Variants in LRRC7 observed in about 807,000 individuals in gnomAD.
The protein encoded by LRRC7 is leucine-rich repeat-containing protein 7.
In LRRC7, 23 loss-of-function variants were observed where a neutral mutation model predicts 175.7. The ratio of observed to expected loss-of-function variants is 0.13; its 90% confidence interval spans 0.09 to 0.19. The LOEUF (loss-of-function observed/expected upper bound fraction) is 0.19, where lower values mean the gene tolerates loss of function less well. Among genes scored for constraint, LRRC7 ranks in the 10% least tolerant of loss-of-function variants. LRRC7 has a pLI of 1.00. For synonymous variants in LRRC7, 685 were observed against 680.9 expected (o/e 1.01, Z -0.09); for missense variants, 1,354 against 1,904.7 (o/e 0.71, Z 5.38).
At chr1:69,726,304 G>T (rs1293001811) in intron 2 of LRRC7, among the ~76,000 whole-genome samples, 1 of 152,144 alleles carries the variant, frequency 6.6e-6, no homozygotes, top group Admixed American at 6.5e-5. Flanking sequence ...TTCCTTGAAA[G>T]AAATTGGATG....
At chr1:70,069,483 G>A (rs982912525) in intron 23 of LRRC7, among the ~76,000 whole-genome samples, 1 of 152,088 alleles carries the variant, frequency 6.6e-6, no homozygotes, top group Non-Finnish European at 1.5e-5. Flanking sequence ...TGAGATTTTG[G>A]GTGGGGACAC....
chr1:69,716,078 G>T, intron 2 of LRRC7: 1 of 403,364 alleles, frequency 2.5e-6, no homozygotes, highest in Middle Eastern at 6.6e-4. Flanking sequence ...TGTTCATTTA[G>T]ATGCATTTGT....
chr1:69,693,073 A>G (rs1662096153), intron 2 of LRRC7, among the ~76,000 whole-genome samples: 1 of 152,226 alleles, frequency 6.6e-6, no homozygotes, highest in Non-Finnish European at 1.5e-5. Context: ...CGTGTCTCGC[A>G]TGCCTTCAAA....
intron 18 of LRRC7, among the ~76,000 whole-genome samples, chr1:70,030,646 AG>A (rs1251382916): frequency 2.6e-5 from 4 of 152,220 alleles, no homozygotes; most frequent in Non-Finnish European, 5.9e-5. Context: ...CACACTGCAA[AG>A]GATATGGAAG....
At chr1:69,780,145 A>G (rs1212589032) in intron 3 of LRRC7, among the ~76,000 whole-genome samples, 2 of 152,240 alleles carry the variant, frequency 1.3e-5, no homozygotes, top group African/African-American at 4.8e-5. Flanking sequence ...AAATCTGAGT[A>G]AGTCACTTCG....
intron 2 of LRRC7, among the ~76,000 whole-genome samples, chr1:69,703,617 A>G (rs1344941346): frequency 2.0e-5 from 3 of 151,984 alleles, no homozygotes; most frequent in Non-Finnish European, 4.4e-5. Flanking sequence ...TCTAAGAACA[A>G]ATTTACATTT....
intron 8 of LRRC7, among the ~76,000 whole-genome samples, chr1:69,977,596 T>A (rs752808386): frequency 2.1e-4 from 32 of 152,354 alleles, no homozygotes; most frequent in African/African-American, 7.2e-4. Context: ...CCTCCCTTTG[T>A]ATTTCCCAGG....
chr1:70,109,358 A>G (rs978909708), intron 26 of LRRC7, among the ~76,000 whole-genome samples: 1 of 152,082 alleles, frequency 6.6e-6, no homozygotes, highest in African/African-American at 2.4e-5. Flanking sequence ...CAAGATCACA[A>G]TCAGCTACTC....
intron 1 of LRRC7, among the ~76,000 whole-genome samples, chr1:69,642,851 G>GATAA (rs1157131553): frequency 6.6e-6 from 1 of 151,936 alleles, no homozygotes; most frequent in Non-Finnish European, 1.5e-5. Context: ...TAGATAGATA[G>GATAA]ATAGATTATA....
intron 2 of LRRC7, among the ~76,000 whole-genome samples, chr1:69,702,069 T>C (rs2100699242): frequency 6.6e-6 from 1 of 152,328 alleles, no homozygotes; most frequent in East Asian, 1.9e-4. Context: ...TCTGCAAGTT[T>C]GAACACCTTC....
At chr1:69,591,924 T>A (rs527879834) in intron 1 of LRRC7, among the ~76,000 whole-genome samples, 2 of 152,214 alleles carry the variant, frequency 1.3e-5, no homozygotes, top group East Asian at 1.9e-4. Context: ...TCCTCTTTTT[T>A]AATTCTTTTT....
intron 8 of LRRC7, among the ~76,000 whole-genome samples, chr1:69,968,582 C>T (rs1423680665): frequency 6.6e-6 from 1 of 152,150 alleles, no homozygotes; most frequent in Non-Finnish European, 1.5e-5. Context: ...AAGGAAAACT[C>T]ATCAGATTAA....
At chr1:70,079,834 T>C (rs1178143732) in intron 24 of LRRC7, among the ~76,000 whole-genome samples, 1 of 152,196 alleles carries the variant, frequency 6.6e-6, no homozygotes, top group African/African-American at 2.4e-5. Context: ...AGCCCACTTT[T>C]TCATTTTGCA....
chr1:69,965,573 A>C (rs1042244341), intron 8 of LRRC7, among the ~76,000 whole-genome samples: 1 of 152,020 alleles, frequency 6.6e-6, no homozygotes, highest in South Asian at 2.1e-4. Flanking sequence ...AATATAAAAA[A>C]TTTTTTTCCA....
intron 7 of LRRC7, among the ~76,000 whole-genome samples, chr1:69,866,667 C>T (rs75258903): frequency 0.044 from 6,702 of 152,136 alleles, 224 homozygotes; most frequent in East Asian, 0.15. Flanking sequence ...AATAAGCATG[C>T]CTTATAGTGG....
intron 1 of LRRC7, among the ~76,000 whole-genome samples, chr1:69,605,489 C>A (rs184319226): frequency 1.3e-5 from 2 of 152,108 alleles, no homozygotes; most frequent in Admixed American, 6.6e-5. Flanking sequence ...TTGCTTTGTG[C>A]AGGGCACTTA....
chr1:70,078,805 C>T (rs1240091695), intron 24 of LRRC7, among the ~76,000 whole-genome samples: 3 of 106,306 alleles, frequency 2.8e-5, no homozygotes, highest in African/African-American at 1.1e-4. Context: ...CGCGCGCGCG[C>T]GCGCGCACAC....
chr1:69,669,418 T>C (rs1658736785), intron 1 of LRRC7, among the ~76,000 whole-genome samples: 1 of 152,216 alleles, frequency 6.6e-6, no homozygotes, highest in Non-Finnish European at 1.5e-5. Flanking sequence ...ATAAACTCTC[T>C]ACTGAAAAGT....
intron 2 of LRRC7, among the ~76,000 whole-genome samples, chr1:69,688,743 A>G (rs1661496154): frequency 6.6e-6 from 1 of 151,744 alleles, no homozygotes; most frequent in South Asian, 2.1e-4. Flanking sequence ...ATTACTGTAC[A>G]CCAGGAGAAT....
Sources: gnomAD v4.1 joint callset for allele counts (sites outside exome capture counted in the v4.1 genomes callset) on GRCh38, gnomAD v4.1.1 for gene constraint, MANE v1.5 for transcripts, NCBI Gene and HGNC (gene_info 2026-07-23, HGNC 2026-07-21) for gene names.